Variants in NKAIN2 observed in about 807,000 individuals in gnomAD.
NKAIN2 encodes the protein sodium/potassium-transporting ATPase subunit beta-1-interacting protein 2.
Under a neutral mutation model 32.6 loss-of-function variants are expected in NKAIN2, and 14 were observed. The observed-to-expected ratio is 0.43, with a 90% CI of 0.28 to 0.67. The LOEUF (loss-of-function observed/expected upper bound fraction) is 0.67, where lower values mean the gene tolerates loss of function less well. Among genes scored for constraint, NKAIN2 ranks in the 30% least tolerant of loss-of-function variants. NKAIN2 has a pLI of 0.17. For synonymous variants in NKAIN2, 80 were observed against 87.2 expected, an observed-to-expected ratio of 0.92 and a Z score of 0.46; for missense variants, 198 against 258.3, an observed-to-expected ratio of 0.77 and a Z score of 1.60.
At chr6:124,692,834 A>T (rs146771474) in intron 4 of NKAIN2, among the ~76,000 whole-genome samples, 11 of 152,204 alleles carry the variant, frequency 7.2e-5, no homozygotes, top group African/African-American at 2.6e-4. Context: ...AAAAAAATAT[A>T]TGTAACATGA....
chr6:124,500,059 T>G (rs762210206), intron 3 of NKAIN2, among the ~76,000 whole-genome samples: 22 of 152,186 alleles, frequency 1.4e-4, no homozygotes, highest in Non-Finnish European at 2.9e-4. Flanking sequence ...GATGGAGATT[T>G]GTGATGAAAC....
intron 2 of NKAIN2, among the ~76,000 whole-genome samples, chr6:124,297,699 G>A (rs917270381): frequency 6.6e-6 from 1 of 151,918 alleles, no homozygotes; most frequent in Admixed American, 6.5e-5. Flanking sequence ...AGCTGTTTCC[G>A]AGTCGGCCAT....
At chr6:124,036,748 CA>C (rs1048659066) in intron 1 of NKAIN2, among the ~76,000 whole-genome samples, 6 of 152,058 alleles carry the variant, frequency 3.9e-5, no homozygotes, top group African/African-American at 1.4e-4. Flanking sequence ...TCCTCAAAAT[CA>C]TTTCTTTTCT....
chr6:124,611,273 AATT>A (rs1446758372), intron 3 of NKAIN2, among the ~76,000 whole-genome samples: 2 of 152,182 alleles, frequency 1.3e-5, no homozygotes, highest in Non-Finnish European at 2.9e-5. Flanking sequence ...AAGGTGTGGG[AATT>A]ATTTACTTTG....
At chr6:123,922,994 G>A (rs1321955502) in intron 1 of NKAIN2, among the ~76,000 whole-genome samples, 2 of 152,122 alleles carry the variant, frequency 1.3e-5, no homozygotes, top group African/African-American at 2.4e-5. Context: ...AGTTACATTT[G>A]TGGGCTCTAG....
chr6:124,772,804 T>C (rs920326382), intron 4 of NKAIN2, among the ~76,000 whole-genome samples: 1 of 152,110 alleles, frequency 6.6e-6, no homozygotes, highest in African/African-American at 2.4e-5. Flanking sequence ...TCAGACACTG[T>C]GGAATCCAAA....
chr6:124,144,716 G>C (rs1260785384), intron 1 of NKAIN2, among the ~76,000 whole-genome samples: 3 of 152,014 alleles, frequency 2.0e-5, no homozygotes, highest in African/African-American at 7.2e-5. Context: ...TCACAATCTA[G>C]GGGCAGGCAT....
chr6:124,007,737 T>G (rs780625321), intron 1 of NKAIN2, among the ~76,000 whole-genome samples: 6 of 152,222 alleles, frequency 3.9e-5, no homozygotes, highest in Non-Finnish European at 8.8e-5. Flanking sequence ...TGAACACCAC[T>G]GATTTCGCCA....
chr6:124,551,276 G>A (rs1780277207), intron 3 of NKAIN2, among the ~76,000 whole-genome samples: 2 of 152,162 alleles, frequency 1.3e-5, no homozygotes, highest in South Asian at 4.1e-4. Flanking sequence ...ATTGAGTTTG[G>A]TTTATGGTTT....
intron 1 of NKAIN2, among the ~76,000 whole-genome samples, chr6:124,166,777 C>G (rs1788566430): frequency 6.7e-6 from 1 of 150,110 alleles, no homozygotes; most frequent in Non-Finnish European, 1.5e-5. Context: ...AATAGGGAAT[C>G]CTTTCCCCAT....
rs1338074561 is a variant in NKAIN2, at chr6:124,515,862, C to A, written c.274-142324C>A. 5.3e-5 allele frequency among the ~76,000 whole-genome samples: 8 copies of A among 152,008 alleles called. 1 individual carries two copies. The highest frequency in any genetic ancestry group is 1.9e-4 in the African/African-American group (8 of 41,486). On this transcript the variant is annotated intron_variant, in intron 3 of 6. Coordinates refer to ENST00000368417, the MANE Select transcript of NKAIN2 (RefSeq NM_001040214.3). ...GTTCTCGTTTTTAATCTCCTGATTG[C>A]CTCTACCTTTAGCATCTGATAACCT... is the stretch of plus-strand genomic sequence containing the variant.
intron 1 of NKAIN2, among the ~76,000 whole-genome samples, chr6:124,129,763 G>A (rs954817584): frequency 1.3e-5 from 2 of 151,940 alleles, no homozygotes; most frequent in Non-Finnish European, 2.9e-5. Context: ...GATTACAGGT[G>A]CACGCCACCA....
At chr6:124,520,566 A>C (rs1170536931) in intron 3 of NKAIN2, among the ~76,000 whole-genome samples, 2 of 152,200 alleles carry the variant, frequency 1.3e-5, no homozygotes, top group Non-Finnish European at 2.9e-5. Flanking sequence ...GTGGAGAGCA[A>C]GACCTAAAAT....
At chr6:124,034,348 A>G (rs1190741306) in intron 1 of NKAIN2, among the ~76,000 whole-genome samples, 1 of 151,812 alleles carries the variant, frequency 6.6e-6, no homozygotes, top group Admixed American at 6.6e-5. Context: ...TTTAGCTTCC[A>G]CTTATAAGTG....
intron 3 of NKAIN2, among the ~76,000 whole-genome samples, chr6:124,505,792 C>A (rs1778452484): frequency 6.6e-6 from 1 of 152,118 alleles, no homozygotes; most frequent in African/African-American, 2.4e-5. Context: ...ATTGTGGATG[C>A]ATGTGGGTAG....
At chr6:124,083,592 C>T (rs1233831822) in intron 1 of NKAIN2, among the ~76,000 whole-genome samples, 1 of 151,572 alleles carries the variant, frequency 6.6e-6, no homozygotes, top group African/African-American at 2.4e-5. Flanking sequence ...TTAGTTGATC[C>T]ACCTATACAT....
intron 3 of NKAIN2, among the ~76,000 whole-genome samples, chr6:124,534,138 C>CT (rs879604303): frequency 5.0e-4 from 73 of 147,376 alleles, no homozygotes; most frequent in Admixed American, 8.8e-4. Context: ...GTTTTGTTTT[C>CT]TTTTTTTTTT....
At chr6:124,337,347 A>G (rs1027300513) in intron 2 of NKAIN2, among the ~76,000 whole-genome samples, 1 of 152,014 alleles carries the variant, frequency 6.6e-6, no homozygotes, top group African/African-American at 2.4e-5. Flanking sequence ...ACTACAAAAT[A>G]ATAATAATAA....
At chr6:124,691,068 G>A (rs1774233356) in intron 4 of NKAIN2, among the ~76,000 whole-genome samples, 1 of 152,142 alleles carries the variant, frequency 6.6e-6, no homozygotes, top group Non-Finnish European at 1.5e-5. Context: ...GTTAAAAGTT[G>A]TAACTTTTTA....
Sources: gnomAD v4.1 joint callset for allele counts (sites outside exome capture counted in the v4.1 genomes callset) on GRCh38, gnomAD v4.1.1 for gene constraint, MANE v1.5 for transcripts, NCBI Gene and HGNC (gene_info 2026-07-23, HGNC 2026-07-21) for gene names.